FANCA: variants seen among roughly 807,000 people sequenced by gnomAD.
FANCA encodes the protein Fanconi anemia group A protein.
Under a neutral mutation model 194.3 loss-of-function variants are expected in FANCA, and 236 were observed. The observed-to-expected ratio is 1.21, with a 90% CI of 1.09 to 1.35. FANCA has a LOEUF of 1.35. FANCA is among the 40% of genes most tolerant of loss of function. FANCA has a pLI of 0.00. For synonymous variants in FANCA, 1,014 were observed against 715.8 expected (o/e 1.42, Z -6.65); for missense variants, 2,628 against 1,813.9 (o/e 1.45, Z -8.15).
At chr16:89,779,345 C>T (rs1260328095) in intron 18 of FANCA, among the ~76,000 whole-genome samples, 1 of 152,132 alleles carries the variant, frequency 6.6e-6, no homozygotes, top group Non-Finnish European at 1.5e-5. Flanking sequence ...TCAGCTCATC[C>T]ACATGTGTAA....
At chr16:89,766,866 C>A (rs952175723) in intron 27 of FANCA, among the ~76,000 whole-genome samples, 1 of 152,204 alleles carries the variant, frequency 6.6e-6, no homozygotes, top group Admixed American at 6.5e-5. Context: ...TATTTCATTA[C>A]AATTACAGAC....
rs776090306 is a variant in FANCA, at chr16:89,738,578, C to G, written c.*23G>C. ...ATAAATTATTTACACGGGAGCTGGG[C>G]TGGTGTGCAGTGGCAGGTCCCGTCA... is the stretch of plus-strand genomic sequence containing the variant. On this transcript the variant is annotated 3_prime_UTR_variant, in exon 43 of 43. Transcript: ENST00000389301. The G allele has an allele frequency of 2.5e-6, 4 of 1,613,014 alleles. No individual in the cohort carries two copies. Among genetic ancestry groups the G allele is most frequent in the Non-Finnish European group, 3.4e-6 (4 of 1,179,978 alleles).
chr16:89,752,897 C>T (rs17233392), intron 30 of FANCA, among the ~76,000 whole-genome samples: 9,054 of 152,134 alleles, frequency 0.06, 417 homozygotes, highest in East Asian at 0.22. Context: ...TCCCTTTCCC[C>T]CGGGGAGTTT....
In FANCA at chr16:89,745,043, A is replaced by C. The variant is rs1300778675; in HGVS notation, c.3542T>G (p.Leu1181Arg). 6.2e-7 allele frequency: 1 copy of C among 1,609,472 alleles called. No homozygotes were observed. Among genetic ancestry groups the C allele is most frequent in the Non-Finnish European group, 8.5e-7 (1 of 1,179,672 alleles). The change falls in exon 36 of 43, where the codon CTG becomes CGG. Residue 1181 changes from leucine to arginine, a missense_variant. Leu to Arg is a moderately radical substitution (Grantham distance 102). Coordinates refer to ENST00000389301, the MANE Select transcript of FANCA (RefSeq NM_000135.4). Reference sequence around the variant, plus strand: ...GCAGTGTCTCCTCCACCGGCAGAGCAGCACAGGCTCCAGGCTCGGCCACCA... The same window carrying C: ...GCAGTGTCTCCTCCACCGGCAGAGCCGCACAGGCTCCAGGCTCGGCCACCA... Reference protein sequence around the residue: ...LVWWPSLEPVLLCRWRRHCQS... With the variant: ...LVWWPSLEPVRLCRWRRHCQS...
rs1183781456 is a variant in FANCA at position 89,771,775 on chromosome 16, C to T, written c.2054G>A (p.Arg685Lys). The T allele has an allele frequency of 6.2e-7, 1 of 1,613,946 alleles. No individual in the cohort carries two copies. The highest frequency in any genetic ancestry group is 8.5e-7 in the Non-Finnish European group (1 of 1,180,038). Reference sequence around the variant, plus strand: ...ATCCTCATTGTGGCCCAGGACAGCCCTCAGTCTTTCAGAAATCACTGCCAC... The same window carrying T: ...ATCCTCATTGTGGCCCAGGACAGCCTTCAGTCTTTCAGAAATCACTGCCAC... ...AQVAVISERL[R>K]AVLGHNEDDS... is the part of the protein sequence containing the mutation. The change falls in exon 23 of 43, where the codon AGG becomes AAG. Residue 685 changes from arginine to lysine, a missense_variant. Coordinates refer to ENST00000389301, the MANE Select transcript of FANCA (RefSeq NM_000135.4).
chr16:89,812,330 T>A (rs1188321844), intron 3 of FANCA, among the ~76,000 whole-genome samples: 1 of 145,934 alleles, frequency 6.9e-6, no homozygotes, highest in South Asian at 2.2e-4. Flanking sequence ...AGAGCCAGAC[T>A]TCATCTCAAA....
At chr16:89,745,469 C>T (rs1157623562) in intron 35 of FANCA, among the ~76,000 whole-genome samples, 2 of 144,146 alleles carry the variant, frequency 1.4e-5, no homozygotes, top group South Asian at 4.6e-4. Context: ...GGGAACAAAA[C>T]AGTGAAGGGA....
chr16:89,810,578 T>C (rs1183004389), intron 5 of FANCA, 129 bp downstream of exon 5: 19 of 749,912 alleles, frequency 2.5e-5, no homozygotes, highest in Non-Finnish European at 4.4e-5. Flanking sequence ...CCCTTTTTCA[T>C]CCACTCTCTG....
intron 5 of FANCA, 60 bp downstream of exon 5, chr16:89,810,647 C>T: frequency 2.7e-6 from 3 of 1,097,730 alleles, no homozygotes. Flanking sequence ...TTGCCTCCAT[C>T]CAGATCAACA....
chr16:89,775,813 G>A lies in FANCA; in HGVS notation c.1829C>T (p.Ala610Val), dbSNP rs1598120974. 1 of 1,608,824 alleles carries A rather than the reference G, an allele frequency of 6.2e-7. No homozygotes were observed. Among genetic ancestry groups the A allele is most frequent in the Non-Finnish European group, 8.5e-7 (1 of 1,176,322 alleles). The change falls in exon 21 of 43, where the codon GCA becomes GTA. Residue 610 changes from alanine to valine, a missense_variant and splice_region_variant. Ala to Val is a moderately conservative substitution (Grantham distance 64). Coordinates refer to ENST00000389301, the MANE Select transcript of FANCA (RefSeq NM_000135.4). ...GTACAGAGATGGGGGGATTTTATCTGCTCTGGATCACAGGAAAACAATACA... is the reference window on the plus strand; with the variant it reads ...GTACAGAGATGGGGGGATTTTATCTACTCTGGATCACAGGAAAACAATACA... ...RVAFIESLKR[A>V]DKIPPSLYST...
At chr16:89,775,676 G>A (rs563089408) in intron 21 of FANCA, 66 bp downstream of exon 21, 1 of 1,331,406 alleles carries the variant, frequency 7.5e-7, no homozygotes, top group South Asian at 1.2e-5. Flanking sequence ...TAGCACAACA[G>A]ACACTCAAGG....
intron 5 of FANCA, among the ~76,000 whole-genome samples, chr16:89,809,505 G>A (rs527900518): frequency 2.0e-5 from 3 of 152,180 alleles, no homozygotes; most frequent in African/African-American, 7.2e-5. Flanking sequence ...CCTGAGGTCA[G>A]GAATTGAAGA....
chr16:89,792,252 G>A (rs952076796), intron 12 of FANCA, among the ~76,000 whole-genome samples, 184 bp from the exon 13 acceptor site: 2 of 152,132 alleles, frequency 1.3e-5, no homozygotes, highest in Admixed American at 1.3e-4. Context: ...GCACCTGCTT[G>A]GAGAGAATTC....
intron 10 of FANCA, chr16:89,798,575 A>G: frequency 8.7e-7 from 1 of 1,144,762 alleles, no homozygotes; most frequent in Non-Finnish European, 1.1e-6. Flanking sequence ...AGCAAACCCC[A>G]GAGCCCCATT....
chr16:89,770,699 C>G, intron 23 of FANCA, 65 bp from the exon 24 acceptor site: 1 of 1,375,934 alleles, frequency 7.3e-7, no homozygotes, highest in Non-Finnish European at 1.0e-6. Flanking sequence ...AGGAAGCCGG[C>G]CAGCGCTCCC....
Position 89,815,930 on chromosome 16 carries a change from A to G in FANCA, c.136T>C (p.Ser46Pro), listed in dbSNP as rs2041098152. 6.2e-7 allele frequency: 1 copy of G among 1,614,018 alleles called. No homozygotes were observed. Among genetic ancestry groups the G allele is most frequent in the Non-Finnish European group, 8.5e-7 (1 of 1,180,004 alleles). ...NPERAQKLKE[S>P]AVRLLRSHQD... ...TGGCTTCGCAGGAGGCGCACAGCTGATTCCTTTAATTTCTGTGCCCTTTCA... is the reference window on the plus strand; with the variant it reads ...TGGCTTCGCAGGAGGCGCACAGCTGGTTCCTTTAATTTCTGTGCCCTTTCA... Residue 46 changes from serine (S) to proline (P), a missense_variant, in exon 2 of 43, where the codon TCA (serine) becomes CCA (proline). Transcript: ENST00000389301.
intron 27 of FANCA, 53 bp from the exon 28 acceptor site, chr16:89,765,119 G>C (rs1442150044): frequency 6.2e-7 from 1 of 1,600,980 alleles, no homozygotes; most frequent in Non-Finnish European, 8.5e-7. Context: ...TTCACTGTGA[G>C]TGGCTGAGCA....
intron 27 of FANCA, among the ~76,000 whole-genome samples, chr16:89,765,979 T>C (rs2039112323): frequency 6.6e-6 from 1 of 152,130 alleles, no homozygotes; most frequent in African/African-American, 2.4e-5. Flanking sequence ...AAGCCTGAAG[T>C]TGAAAACCAT....
Position 89,739,499 on chromosome 16 carries a change from A to T in FANCA, c.3989T>A (p.Leu1330Gln). The T allele has an allele frequency of 6.4e-7, 1 of 1,551,358 alleles. No individual in the cohort carries two copies. Among genetic ancestry groups the T allele is most frequent in the Non-Finnish European group, 8.7e-7 (1 of 1,147,198 alleles). ...LRVAPDQHTR[L>Q]LPFAFYSLLS... is the part of the protein sequence containing the mutation. ...GTACCTGTAAAAAGCGAAAGGCAGC[A>T]GCCTGGTGTGCTGATCCGGGGCCAC... The change falls in exon 40 of 43, where the codon CTG (leucine) becomes CAG (glutamine). Residue 1330 changes from leucine (L) to glutamine (Q), a missense_variant. By Grantham distance (113) the Leu-to-Gln change is moderately radical. Transcript: ENST00000389301.
Sources: gnomAD v4.1 joint callset for allele counts (sites outside exome capture counted in the v4.1 genomes callset) on GRCh38, gnomAD v4.1.1 for gene constraint, MANE v1.5 for transcripts, NCBI Gene and HGNC (gene_info 2026-07-23, HGNC 2026-07-21) for gene names.